The following CLYBL variants were observed in gnomAD, a reference collection of about 807,000 sequenced individuals.
The protein encoded by CLYBL is citramalyl-CoA lyase, also known as citramalyl-CoA lyase, mitochondrial.
A neutral mutation model predicts 38.9 loss-of-function variants in CLYBL; 31 were observed. The ratio of observed to expected loss-of-function variants is 0.80; its 90% confidence interval spans 0.60 to 1.08. The LOEUF (loss-of-function observed/expected upper bound fraction) is 1.08, where lower values mean the gene tolerates loss of function less well. Ranked by LOEUF, CLYBL falls within the 50% of genes least tolerant of loss-of-function variation. The probability of loss-of-function intolerance (pLI) is 0.00; values close to 1 mark genes in which losing one functional copy is unlikely to be tolerated. For missense variants in CLYBL, 434 were observed against 411.6 expected (o/e 1.05, Z -0.47); for synonymous variants, 171 against 158.6 (o/e 1.08, Z -0.59).
intron 1 of CLYBL, among the ~76,000 whole-genome samples, chr13:99,705,010 A>G (rs1328156933): frequency 6.6e-6 from 1 of 152,238 alleles, no homozygotes; most frequent in Non-Finnish European, 1.5e-5. Flanking sequence ...TGTTTGCAAC[A>G]TTATGTTTAA....
chr13:99,787,485 G>T (rs2049821949), intron 2 of CLYBL, among the ~76,000 whole-genome samples: 2 of 152,058 alleles, frequency 1.3e-5, no homozygotes, highest in Admixed American at 6.6e-5. Flanking sequence ...GTTTTTGTCA[G>T]GTTTGTCAAA....
chr13:99,806,871 A>G (rs1428745929), intron 2 of CLYBL, among the ~76,000 whole-genome samples: 1 of 152,236 alleles, frequency 6.6e-6, no homozygotes, highest in African/African-American at 2.4e-5. Context: ...AAGGCCTGCC[A>G]TCTGGTTCAC....
chr13:99,844,496 A>G (rs1000695115), intron 2 of CLYBL, among the ~76,000 whole-genome samples: 1 of 152,320 alleles, frequency 6.6e-6, no homozygotes, highest in Admixed American at 6.5e-5. Context: ...CCATTGGGAC[A>G]CCATTGGTCC....
chr13:99,606,861 G>C, intron 1 of CLYBL, 104 bp downstream of exon 1: 25 of 1,280,952 alleles, frequency 2.0e-5, no homozygotes, highest in Non-Finnish European at 2.5e-5. Context: ...GCCCTCACGG[G>C]AACCCAGCCG....
At chr13:99,618,967 G>A (rs78721091) in intron 1 of CLYBL, among the ~76,000 whole-genome samples, 3,451 of 152,270 alleles carry the variant, frequency 0.023, 72 homozygotes, top group Non-Finnish European at 0.038. Flanking sequence ...ATGGACATTT[G>A]AGTATCACTG....
chr13:99,633,390 C>G (rs1221702175), intron 1 of CLYBL, among the ~76,000 whole-genome samples: 1 of 151,506 alleles, frequency 6.6e-6, no homozygotes, highest in Non-Finnish European at 1.5e-5. Context: ...AAATACAAAA[C>G]TGGGCATGGT....
At chr13:99,716,119 C>G (rs183604000) in intron 1 of CLYBL, among the ~76,000 whole-genome samples, 13 of 129,474 alleles carry the variant, frequency 1.0e-4, no homozygotes, top group Non-Finnish European at 1.3e-4. Context: ...ATGAAGTGAA[C>G]AATAATAAAG....
At chr13:99,630,999 G>A (rs934691130) in intron 1 of CLYBL, among the ~76,000 whole-genome samples, 4 of 152,040 alleles carry the variant, frequency 2.6e-5, no homozygotes, top group Non-Finnish European at 5.9e-5. Context: ...TTGGAAAGGA[G>A]GATTCTTTTA....
At chr13:99,630,050 G>A (rs2139230056) in intron 1 of CLYBL, among the ~76,000 whole-genome samples, 1 of 144,206 alleles carries the variant, frequency 6.9e-6, no homozygotes, top group East Asian at 2.5e-4. Flanking sequence ...GAAGTTAGTT[G>A]GATGTGGCTT....
chr13:99,901,445 C>T (rs1161686802), downstream of CLYBL, among the ~76,000 whole-genome samples: 1 of 152,080 alleles, frequency 6.6e-6, no homozygotes, highest in Non-Finnish European at 1.5e-5. Context: ...AATCCTTCCT[C>T]GACTGTGGGC....
At chr13:99,793,111 C>T (rs955435147) in intron 2 of CLYBL, among the ~76,000 whole-genome samples, 7 of 151,974 alleles carry the variant, frequency 4.6e-5, no homozygotes, top group Middle Eastern at 3.4e-3. Context: ...TACATAGACA[C>T]ACCGTACACA....
intron 1 of CLYBL, among the ~76,000 whole-genome samples, chr13:99,648,305 C>T (rs7323117): frequency 0.14 from 20,679 of 152,146 alleles, 1,573 homozygotes; most frequent in African/African-American, 0.21. Context: ...AAAATCTCAA[C>T]GCCATGGACT....
At chr13:99,829,853 G>C (rs993032980) in intron 2 of CLYBL, among the ~76,000 whole-genome samples, 2 of 152,278 alleles carry the variant, frequency 1.3e-5, no homozygotes, top group Non-Finnish European at 2.9e-5. Context: ...TATAAGCTCC[G>C]TGAGAGCGGA....
chr13:99,852,985 G>A (rs1317100911), intron 2 of CLYBL, among the ~76,000 whole-genome samples: 5 of 152,220 alleles, frequency 3.3e-5, no homozygotes, highest in Admixed American at 2.6e-4. Context: ...TGAATGACTA[G>A]AGTTCAATAT....
intron 2 of CLYBL, among the ~76,000 whole-genome samples, chr13:99,850,978 G>A (rs746304226): frequency 7.9e-5 from 12 of 152,188 alleles, no homozygotes; most frequent in Admixed American, 1.3e-4. Flanking sequence ...ACAAATTCAT[G>A]GGTACAGAAA....
At chr13:99,789,624 G>A (rs1050434085) in intron 2 of CLYBL, among the ~76,000 whole-genome samples, 1 of 152,106 alleles carries the variant, frequency 6.6e-6, no homozygotes, top group Admixed American at 6.6e-5. Context: ...CCAACTATGT[G>A]GTCAATTTTG....
chr13:99,647,741 G>C (rs2047198010), intron 1 of CLYBL, among the ~76,000 whole-genome samples: 1 of 152,204 alleles, frequency 6.6e-6, no homozygotes, highest in African/African-American at 2.4e-5. Context: ...AAGCAAATTT[G>C]GTGCCCAAGA....
intron 2 of CLYBL, among the ~76,000 whole-genome samples, chr13:99,800,627 A>T (rs1243222574): frequency 6.6e-6 from 1 of 152,148 alleles, no homozygotes; most frequent in Non-Finnish European, 1.5e-5. Flanking sequence ...TAATCCCAGC[A>T]CTTTGGGAGG....
intron 1 of CLYBL, among the ~76,000 whole-genome samples, chr13:99,657,521 C>G (rs2047346089): frequency 6.6e-6 from 1 of 152,022 alleles, no homozygotes; most frequent in Non-Finnish European, 1.5e-5. Flanking sequence ...AGATTTGGGG[C>G]TTTTTAGGAT....
Sources: gnomAD v4.1 joint callset for allele counts (sites outside exome capture counted in the v4.1 genomes callset) on GRCh38, gnomAD v4.1.1 for gene constraint, MANE v1.5 for transcripts, NCBI Gene and HGNC (gene_info 2026-07-23, HGNC 2026-07-21) for gene names.